LRPPRC: variants seen among roughly 807,000 people sequenced by gnomAD.
The protein encoded by LRPPRC is leucine rich pentatricopeptide repeat containing, also known as leucine-rich PPR motif-containing protein, mitochondrial.
In LRPPRC, 120 loss-of-function variants were observed where a neutral mutation model predicts 180.3. That is an observed-to-expected ratio of 0.67 (90% confidence interval 0.57 to 0.77). The LOEUF (loss-of-function observed/expected upper bound fraction) is 0.77. LRPPRC is among the 30% of genes least tolerant of loss of function. The probability of loss-of-function intolerance (pLI) is 0.00; values close to 1 mark genes in which losing one functional copy is unlikely to be tolerated. For synonymous variants in LRPPRC, 723 were observed against 600.0 expected, an observed-to-expected ratio of 1.21 and a Z score of -3.00; for missense variants, 2,012 against 1,657.2, an observed-to-expected ratio of 1.21 and a Z score of -3.72.
chr2:43,988,590 G>C (rs1010015585), intron 1 of LRPPRC, among the ~76,000 whole-genome samples: 1 of 152,014 alleles, frequency 6.6e-6, no homozygotes, highest in Non-Finnish European at 1.5e-5. Flanking sequence ...TCTTATTATA[G>C]AAGGTGCTCA....
chr2:43,941,769 T>G (rs543415100), intron 23 of LRPPRC, among the ~76,000 whole-genome samples: 7 of 144,378 alleles, frequency 4.8e-5, no homozygotes, highest in African/African-American at 1.8e-4. Flanking sequence ...AAAGAGTCAA[T>G]AGCCCTTTTT....
chr2:43,957,628 T>C (rs1310823361), intron 13 of LRPPRC, among the ~76,000 whole-genome samples, 177 bp from the exon 14 acceptor site: 1 of 152,258 alleles, frequency 6.6e-6, no homozygotes, highest in Non-Finnish European at 1.5e-5. Context: ...ATATCTGCAA[T>C]ATAAGCTACC....
intron 30 of LRPPRC, among the ~76,000 whole-genome samples, chr2:43,907,955 A>T (rs4453731): frequency 0.61 from 93,377 of 152,012 alleles, 30,137 homozygotes; most frequent in East Asian, 0.96. Context: ...ATACATGTAA[A>T]AATATAGGCA....
intron 23 of LRPPRC, among the ~76,000 whole-genome samples, chr2:43,941,531 C>T (rs1009499847): frequency 3.9e-5 from 6 of 152,040 alleles, no homozygotes; most frequent in Admixed American, 2.6e-4. Context: ...TTAATCAAAT[C>T]GAATACACGT....
At chr2:43,933,675 A>G (rs371046024) in intron 25 of LRPPRC, among the ~76,000 whole-genome samples, 32 of 152,172 alleles carry the variant, frequency 2.1e-4, no homozygotes, top group African/African-American at 7.0e-4. Flanking sequence ...GTCACCTACC[A>G]TTTCCCATAA....
At chr2:43,908,583 G>A (rs1408303503) in intron 30 of LRPPRC, among the ~76,000 whole-genome samples, 16 of 151,450 alleles carry the variant, frequency 1.1e-4, no homozygotes, top group African/African-American at 3.2e-4. Context: ...GTGCAGTGGC[G>A]CAATCTTGGC....
intron 1 of LRPPRC, among the ~76,000 whole-genome samples, chr2:43,990,227 A>C (rs189708516): frequency 1.4e-4 from 22 of 152,252 alleles, no homozygotes; most frequent in Middle Eastern, 3.4e-3. Flanking sequence ...TCAAAAAAAA[A>C]AGAAAGTAAT....
intron 11 of LRPPRC, among the ~76,000 whole-genome samples, chr2:43,970,483 T>C (rs992263688): frequency 2.0e-5 from 3 of 152,204 alleles, no homozygotes; most frequent in African/African-American, 2.4e-5. Context: ...ACAATTCACA[T>C]TTCTTTTCAC....
chr2:43,933,312 G>T (rs1339048698), intron 25 of LRPPRC, among the ~76,000 whole-genome samples: 1 of 152,140 alleles, frequency 6.6e-6, no homozygotes, highest in Non-Finnish European at 1.5e-5. Flanking sequence ...TCAGTTTCAT[G>T]ATAAGCAGTC....
In LRPPRC at chr2:43,947,390, A is replaced by G. The variant is rs1486036029; in HGVS notation, c.1966-20T>C. ...CACAGTCTACAGAAAAGAAAAAAGA[A>G]AAGAAAAATTTCCTGAAAAAGGAAA... On this transcript the variant is annotated intron_variant, in intron 19 of 37. Transcript: ENST00000260665. 7.8e-7 allele frequency: 1 copy of G among 1,289,280 alleles called. No homozygotes were observed. Among genetic ancestry groups the G allele is most frequent in the Non-Finnish European group, 1.1e-6 (1 of 887,342 alleles). The allele number at this position is 1,289,280 out of a possible 1,614,324, so 79.9% of individuals were successfully genotyped here. A position where few individuals can be genotyped will look rare whatever the true frequency, so the allele number is the denominator to read the frequency against.
At chr2:43,962,410 A>C (rs2103668290) in intron 12 of LRPPRC, among the ~76,000 whole-genome samples, 1 of 152,336 alleles carries the variant, frequency 6.6e-6, no homozygotes, top group South Asian at 2.1e-4. Context: ...TGAAAGAAAC[A>C]CTCTAACATT....
intron 20 of LRPPRC, among the ~76,000 whole-genome samples, chr2:43,946,861 G>C (rs999389882): frequency 1.3e-5 from 2 of 152,010 alleles, no homozygotes; most frequent in African/African-American, 4.8e-5. Context: ...ATCTCAGAAA[G>C]AGCTTTTTTC....
At chr2:43,966,753 TA>T (rs200424765) in intron 11 of LRPPRC, among the ~76,000 whole-genome samples, 30,116 of 149,814 alleles carry the variant, frequency 0.2, 3,653 homozygotes, top group African/African-American at 0.33. Context: ...AAAATAAAAA[TA>T]AAAAAATAAA....
At chr2:43,929,744 T>C (rs1335046718) in intron 25 of LRPPRC, among the ~76,000 whole-genome samples, 4 of 152,144 alleles carry the variant, frequency 2.6e-5, no homozygotes, top group Non-Finnish European at 5.9e-5. Context: ...CATTTGTCCT[T>C]TTCTCTAAAA....
At chr2:43,901,742 C>A (rs1670896106) in intron 31 of LRPPRC, 3 of 529,826 alleles carry the variant, frequency 5.7e-6, no homozygotes, top group African/African-American at 1.9e-5. Context: ...GGAATTTCTT[C>A]TTTAAGTCAC....
At chr2:43,977,449 G>C (rs1314914359) in intron 3 of LRPPRC, among the ~76,000 whole-genome samples, 173 bp from the exon 4 acceptor site, 1 of 152,142 alleles carries the variant, frequency 6.6e-6, no homozygotes, top group Non-Finnish European at 1.5e-5. Flanking sequence ...AGCAAGCTAA[G>C]CATGTAAGAC....
intron 11 of LRPPRC, among the ~76,000 whole-genome samples, chr2:43,971,484 G>GGAAAAAAAAAAAAAAAAAAA (rs1673801951): frequency 2.1e-4 from 1 of 4,778 alleles, no homozygotes; most frequent in Non-Finnish European, 5.5e-4. Flanking sequence ...CTGTGTCACA[G>GGAAAAAAAAAAAAAAAAAAA]TAAAAAAAAA....
intron 30 of LRPPRC, among the ~76,000 whole-genome samples, chr2:43,909,871 T>C (rs528251982): frequency 1.3e-5 from 2 of 151,994 alleles, no homozygotes; most frequent in Non-Finnish European, 2.9e-5. Context: ...TTAAGGCAAA[T>C]AGACGGTCAT....
chr2:43,936,637 G>A (rs920072764), intron 23 of LRPPRC, among the ~76,000 whole-genome samples: 4 of 152,160 alleles, frequency 2.6e-5, no homozygotes, highest in African/African-American at 9.7e-5. Context: ...AGACAACGAA[G>A]AAATGTTAGT....
Sources: allele counts gnomAD v4.1 joint callset (sites outside exome capture counted in the v4.1 genomes callset), GRCh38; gene constraint gnomAD v4.1.1; transcripts MANE v1.5; gene names NCBI Gene and HGNC (gene_info 2026-07-23, HGNC 2026-07-21).